CLMN: variants seen among roughly 807,000 people sequenced by gnomAD.
CLMN encodes the protein calmin (calponin-like, transmembrane).
In CLMN, 57 loss-of-function variants were observed where a neutral mutation model predicts 92.7. The ratio of observed to expected loss-of-function variants is 0.61; its 90% CI spans 0.50 to 0.77. The LOEUF is 0.77. CLMN is among the 30% of genes least tolerant of loss of function. CLMN has a pLI of 0.00. For synonymous variants in CLMN, 466 were observed against 470.6 expected, an observed-to-expected ratio of 0.99 and a Z score of 0.13; for missense variants, 1,158 against 1,237.5, an observed-to-expected ratio of 0.94 and a Z score of 0.96.
intron 1 of CLMN, among the ~76,000 whole-genome samples, chr14:95,261,307 G>A (rs150782045): frequency 8.8e-4 from 134 of 152,180 alleles, no homozygotes; most frequent in Non-Finnish European, 1.5e-3. Context: ...CGCTGGGAAC[G>A]TGCGCGTCTG....
chr14:95,196,313 G>A (rs1467242402), intron 10 of CLMN, among the ~76,000 whole-genome samples, 185 bp downstream of exon 10: 1 of 152,186 alleles, frequency 6.6e-6, no homozygotes, highest in Non-Finnish European at 1.5e-5. Flanking sequence ...CTCCTTATGA[G>A]GTCTGGTAAT....
At chr14:95,199,781 T>C (rs537556382) in intron 9 of CLMN, among the ~76,000 whole-genome samples, 6 of 151,156 alleles carry the variant, frequency 4.0e-5, no homozygotes, top group Non-Finnish European at 5.9e-5. Context: ...ACTTTGAAGG[T>C]TGAATAACTG....
rs755086454 is a variant in CLMN at position 95,203,252 on chromosome 14, G to C, written c.2097C>G (p.Thr699=). ...SPPSSCVSLE[T]LGSHSEEGLD... ...GGCCTTCTTCGCTGTGACTCCCAAG[G>C]GTCTCCAAGCTGACACAGCTGCTTG... is the stretch of plus-strand genomic sequence containing the variant. Residue 699 remains threonine (T), a synonymous_variant, in exon 9 of 13, where the codon ACC becomes ACG. Transcript: ENST00000298912. 1 of 1,613,796 alleles carries C rather than the reference G, an allele frequency of 6.2e-7. No homozygotes were observed. The highest frequency in any genetic ancestry group is 1.3e-5 in the African/African-American group (1 of 74,880).
At chr14:95,193,082 C>T (rs1896599600) in intron 12 of CLMN, 3 of 465,132 alleles carry the variant, frequency 6.4e-6, no homozygotes, top group Non-Finnish European at 1.1e-5. Context: ...CAGACAGAGG[C>T]TTCCGATTCC....
chr14:95,245,179 T>TATATATATATATATA (rs1333270268), intron 1 of CLMN, among the ~76,000 whole-genome samples: 3 of 35,904 alleles, frequency 8.4e-5, no homozygotes, highest in Non-Finnish European at 1.4e-4. Flanking sequence ...TTATATTATA[T>TATATATATATATATA]ATATATATAT....
chr14:95,257,016 G>A (rs184256272), intron 1 of CLMN, among the ~76,000 whole-genome samples: 1 of 152,226 alleles, frequency 6.6e-6, no homozygotes, highest in African/African-American at 2.4e-5. Flanking sequence ...AGACAGGAGG[G>A]GGACACAGAG....
chr14:95,298,982 T>A (rs1193657240), intron 1 of CLMN, among the ~76,000 whole-genome samples: 2 of 152,212 alleles, frequency 1.3e-5, no homozygotes, highest in Non-Finnish European at 1.5e-5. Context: ...GAAAGCCACT[T>A]CCAGTACTTC....
chr14:95,279,601 G>A (rs575540897), intron 1 of CLMN, among the ~76,000 whole-genome samples: 44 of 152,316 alleles, frequency 2.9e-4, no homozygotes, highest in South Asian at 8.3e-4. Context: ...GGCTAACACG[G>A]TGAAACCCTG....
intron 1 of CLMN, among the ~76,000 whole-genome samples, chr14:95,245,640 A>ATGGATGGATGAATGGATAGG (rs1898525834): frequency 7.8e-6 from 1 of 128,988 alleles, no homozygotes; most frequent in Non-Finnish European, 1.6e-5. Flanking sequence ...GGGTGGATGG[A>ATGGATGGATGAATGGATAGG]TGGATGGATG....
intron 1 of CLMN, among the ~76,000 whole-genome samples, chr14:95,303,590 A>G (rs1026154339): frequency 1.3e-5 from 2 of 152,252 alleles, no homozygotes; most frequent in Non-Finnish European, 2.9e-5. Flanking sequence ...CTGAGAAAAT[A>G]GCCATTAGGT....
At chr14:95,301,071 C>T (rs1015501110) in intron 1 of CLMN, among the ~76,000 whole-genome samples, 1 of 152,258 alleles carries the variant, frequency 6.6e-6, no homozygotes, top group Admixed American at 6.5e-5. Context: ...GGGTCATGCA[C>T]TATTGTGTCA....
chr14:95,269,820 G>A (rs1899634150), intron 1 of CLMN, among the ~76,000 whole-genome samples: 1 of 152,174 alleles, frequency 6.6e-6, no homozygotes, highest in Non-Finnish European at 1.5e-5. Flanking sequence ...TGGAATGGGA[G>A]GTAAGGGGTG....
In CLMN at chr14:95,196,522, C is replaced by G; in HGVS notation, c.2684G>C (p.Ser895Thr). ...CCTGGAAGGAATGCTGTAGTCGCTA[C>G]TGTCTTCTTCTAGGTCATCTGAGGA... ...VQSSDDLEED[S>T]SDYSIPSRTS... The change falls in exon 10 of 13, where the codon AGT becomes ACT. Residue 895 changes from serine to threonine, a missense_variant. By Grantham distance (58) the Ser-to-Thr change is moderately conservative. Coordinates refer to ENST00000298912, the MANE Select transcript of CLMN (RefSeq NM_024734.4). 1 of 1,612,624 alleles carries G rather than the reference C, an allele frequency of 6.2e-7. No homozygotes were observed. The highest frequency in any genetic ancestry group is 1.1e-5 in the South Asian group (1 of 90,662).
At chr14:95,257,141 C>T (rs1004341115) in intron 1 of CLMN, among the ~76,000 whole-genome samples, 8 of 152,302 alleles carry the variant, frequency 5.3e-5, no homozygotes, top group South Asian at 4.1e-4. Flanking sequence ...AATTAGAATG[C>T]GTGATCTTTC....
At chr14:95,311,172 G>T (rs1232077889) in intron 1 of CLMN, among the ~76,000 whole-genome samples, 1 of 152,122 alleles carries the variant, frequency 6.6e-6, no homozygotes, top group Non-Finnish European at 1.5e-5. Context: ...GAAGGTTCAG[G>T]TTCCTCCACC....
intron 1 of CLMN, among the ~76,000 whole-genome samples, chr14:95,314,839 C>T (rs115359494): frequency 3.7e-3 from 568 of 152,346 alleles, no homozygotes; most frequent in African/African-American, 0.013. Context: ...CATGATGATT[C>T]ATCCCTTAGA....
At position 95,196,566 on chromosome 14, in the gene CLMN, T is replaced by G; in HGVS notation, c.2640A>C (p.Val880=). 1 of 1,614,258 alleles carries G rather than the reference T, an allele frequency of 6.2e-7. No individual in the cohort carries two copies. Among genetic ancestry groups the G allele is most frequent in the South Asian group, 1.1e-5 (1 of 91,084 alleles). The change falls in exon 10 of 13, where the codon GTA becomes GTC. Residue 880 remains valine, a synonymous_variant. Coordinates refer to ENST00000298912, the MANE Select transcript of CLMN (RefSeq NM_024734.4). ...HVDHVESSLF[V]APGSVQSSDD... Reference sequence around the variant, plus strand: ...CTGAGGATTGAACACTTCCTGGTGCTACAAATAGTGAACTTTCTACGTGGT... The same window carrying G: ...CTGAGGATTGAACACTTCCTGGTGCGACAAATAGTGAACTTTCTACGTGGT...
chr14:95,205,778 T>C (rs972351012), intron 8 of CLMN, among the ~76,000 whole-genome samples: 2 of 152,154 alleles, frequency 1.3e-5, no homozygotes, highest in Admixed American at 1.3e-4. Flanking sequence ...AGATGAGTAT[T>C]ATAATCACTA....
At chr14:95,241,170 C>T (rs953200136) in intron 1 of CLMN, among the ~76,000 whole-genome samples, 11 of 151,980 alleles carry the variant, frequency 7.2e-5, no homozygotes, top group Admixed American at 3.9e-4. Context: ...CCCACACTCA[C>T]CCTGTAAACA....
Sources: gnomAD v4.1 joint callset for allele counts (sites outside exome capture counted in the v4.1 genomes callset) on GRCh38, gnomAD v4.1.1 for gene constraint, MANE v1.5 for transcripts, NCBI Gene and HGNC (gene_info 2026-07-23, HGNC 2026-07-21) for gene names.